The following CACNA1A variants were observed in gnomAD, a reference collection of about 807,000 sequenced individuals.
CACNA1A encodes the protein calcium voltage-gated channel subunit alpha1 A.
Under a neutral mutation model 262.4 loss-of-function variants are expected in CACNA1A, and 57 were observed. That is an observed-to-expected ratio of 0.22 (90% CI 0.18 to 0.27). The LOEUF (loss-of-function observed/expected upper bound fraction) is 0.27. Among genes scored for constraint, CACNA1A ranks in the 10% least tolerant of loss-of-function variants. CACNA1A has a pLI of 1.00. For missense variants in CACNA1A, 2,526 were observed against 3,562.8 expected, an observed-to-expected ratio of 0.71 and a Z score of 7.41; for synonymous variants, 1,431 against 1,419.3, an observed-to-expected ratio of 1.01 and a Z score of -0.18.
chr19:13,339,144 G>A (rs1044488875), intron 6 of CACNA1A, among the ~76,000 whole-genome samples: 3 of 152,092 alleles, frequency 2.0e-5, no homozygotes, highest in Non-Finnish European at 4.4e-5. Flanking sequence ...AATTACAGGC[G>A]TGAGCCACTG....
chr19:13,293,486 C>A (rs545232464), intron 19 of CACNA1A, among the ~76,000 whole-genome samples: 14 of 129,878 alleles, frequency 1.1e-4, no homozygotes, highest in African/African-American at 3.7e-4. Flanking sequence ...CGCTCTGTCT[C>A]CCCGGCTGGA....
intron 3 of CACNA1A, among the ~76,000 whole-genome samples, chr19:13,415,379 T>C (rs985215914): frequency 6.6e-6 from 1 of 152,138 alleles, no homozygotes; most frequent in Admixed American, 6.5e-5. Flanking sequence ...GAGAGGCTTC[T>C]GCATGTCAGA....
intron 30 of CACNA1A, among the ~76,000 whole-genome samples, chr19:13,250,748 G>A (rs960468375): frequency 6.6e-6 from 1 of 152,112 alleles, no homozygotes; most frequent in African/African-American, 2.4e-5. Context: ...GAATAGTGCT[G>A]GCTATTTTAT....
intron 19 of CACNA1A, among the ~76,000 whole-genome samples, chr19:13,287,300 G>A (rs1010013574): frequency 1.3e-5 from 2 of 152,032 alleles, no homozygotes; most frequent in Non-Finnish European, 2.9e-5. Context: ...GCAGTGAGCC[G>A]TGATCGCCCC....
chr19:13,397,526 C>T (rs2059829561), intron 3 of CACNA1A, among the ~76,000 whole-genome samples: 1 of 152,236 alleles, frequency 6.6e-6, no homozygotes, highest in African/African-American at 2.4e-5. Context: ...AGGACCCACG[C>T]AGAGACTGAT....
intron 38 of CACNA1A, among the ~76,000 whole-genome samples, chr19:13,219,718 G>A (rs983666712): frequency 6.6e-6 from 1 of 152,094 alleles, no homozygotes; most frequent in Non-Finnish European, 1.5e-5. Flanking sequence ...ACTTTGGGAG[G>A]CCGAGGTGGG....
intron 3 of CACNA1A, among the ~76,000 whole-genome samples, chr19:13,406,602 C>T (rs1187020696): frequency 6.8e-6 from 1 of 147,334 alleles, no homozygotes; most frequent in Non-Finnish European, 1.5e-5. Context: ...GTCCACTCCC[C>T]AGCATCAGAG....
At chr19:13,430,219 T>TATATATATA (rs549050308) in intron 3 of CACNA1A, among the ~76,000 whole-genome samples, 76 of 149,786 alleles carry the variant, frequency 5.1e-4, no homozygotes, top group African/African-American at 1.8e-3. Flanking sequence ...ATATATATAT[T>TATATATATA]TTTTGAGACA....
At chr19:13,209,217 CCTTT>C in intron 45 of CACNA1A, 91 bp downstream of exon 45, 2 of 1,382,470 alleles carry the variant, frequency 1.4e-6, no homozygotes, top group South Asian at 1.5e-5. Flanking sequence ...GAGGCCTCTC[CCTTT>C]CTTCTTCCTT....
chr19:13,412,829 A>G (rs2060135661), intron 3 of CACNA1A, among the ~76,000 whole-genome samples: 1 of 152,150 alleles, frequency 6.6e-6, no homozygotes, highest in Non-Finnish European at 1.5e-5. Context: ...AAAAAATAAC[A>G]TTTGTTTGGT....
At chr19:13,416,687 C>T (rs1440805389) in intron 3 of CACNA1A, among the ~76,000 whole-genome samples, 3 of 152,116 alleles carry the variant, frequency 2.0e-5, no homozygotes, top group South Asian at 2.1e-4. Flanking sequence ...TGTTGGCGGG[C>T]GCCTGTAATC....
At chr19:13,289,091 AG>A (rs1238673547) in intron 19 of CACNA1A, among the ~76,000 whole-genome samples, 1 of 149,494 alleles carries the variant, frequency 6.7e-6, no homozygotes, top group Non-Finnish European at 1.5e-5. Context: ...TGGGTCATAG[AG>A]GGACATTTCA....
intron 1 of CACNA1A, among the ~76,000 whole-genome samples, chr19:13,476,363 G>A (rs905394114): frequency 2.0e-5 from 3 of 152,178 alleles, no homozygotes; most frequent in African/African-American, 7.2e-5. Context: ...TAGCACTAGA[G>A]CAGGGATTCT....
rs1467611999 is a variant in CACNA1A, at chr19:13,245,415, T to C, written c.4867-150A>G. ...GTTCGAAGGGCTGCGGTAAAGGCTG[T>C]TCGACATCATCTGTGCTGAGTCTCC... is the stretch of plus-strand genomic sequence containing the variant. On this transcript the variant is annotated intron_variant, in intron 30 of 46. Coordinates refer to ENST00000360228, the MANE Select transcript of CACNA1A (RefSeq NM_001127222.2). 3 of 659,648 alleles carry C rather than the reference T, an allele frequency of 4.5e-6. No homozygotes were observed. In the Admixed American group the frequency reaches 6.5e-5, roughly 14 times the overall value. The allele number at this position is 659,648 out of a possible 1,614,324, so 40.9% of individuals were successfully genotyped here. A position where few individuals can be genotyped will look rare whatever the true frequency, so the allele number is the denominator to read the frequency against.
At chr19:13,488,252 T>C (rs1980271646) in intron 1 of CACNA1A, among the ~76,000 whole-genome samples, 1 of 152,086 alleles carries the variant, frequency 6.6e-6, no homozygotes, top group Non-Finnish European at 1.5e-5. Context: ...CCTAATGGGC[T>C]TTCTGCTAAC....
Position 13,234,938 on chromosome 19 carries a change from G to A in CACNA1A, c.5232C>T (p.Ala1744=). 2 of 1,612,536 alleles carry A rather than the reference G, an allele frequency of 1.2e-6. No individual in the cohort carries two copies. The highest frequency in any genetic ancestry group is 1.7e-6 in the Non-Finnish European group (2 of 1,178,578). Residue 1744 remains alanine, a synonymous_variant, in exon 34 of 47, where the codon GCC becomes GCT. Transcript: ENST00000360228. Reference sequence around the variant, plus strand: ...CTTCTCACCGGAAGAGAAGCATGAGGGCCTGGAAGAAGGTCCGGAAGTTAT... The same window carrying A: ...CTTCTCACCGGAAGAGAAGCATGAGAGCCTGGAAGAAGGTCCGGAAGTTAT... ...EHNNFRTFFQ[A]LMLLFRSATG...
chr19:13,316,969 G>T, intron 11 of CACNA1A, 143 bp downstream of exon 11: 2 of 588,796 alleles, frequency 3.4e-6, no homozygotes, highest in Non-Finnish European at 6.1e-6. Flanking sequence ...TGGCCCCAGT[G>T]ACAGTTATAG....
At chr19:13,310,499 T>TATATATATATATATAG in intron 12 of CACNA1A, among the ~76,000 whole-genome samples, 1 of 29,592 alleles carries the variant, frequency 3.4e-5, no homozygotes. Flanking sequence ...AATATATATA[T>TATATATATATATATAG]ATATATATAT....
chr19:13,211,725 GTGTT>G (rs969519955), intron 43 of CACNA1A: 36 of 263,528 alleles, frequency 1.4e-4, no homozygotes, highest in Admixed American at 2.9e-4. Flanking sequence ...ATGTGTGTGT[GTGTT>G]TGTGTAGGGG....
Sources: allele counts gnomAD v4.1 joint callset (sites outside exome capture counted in the v4.1 genomes callset), GRCh38; gene constraint gnomAD v4.1.1; transcripts MANE v1.5; gene names NCBI Gene and HGNC (gene_info 2026-07-23, HGNC 2026-07-21).